EIF4G3: variants seen among roughly 807,000 people sequenced by gnomAD.
The protein encoded by EIF4G3 is eIF-4-gamma 3.
Under a neutral mutation model 186.4 loss-of-function variants are expected in EIF4G3, and 34 were observed. The ratio of observed to expected loss-of-function variants is 0.18; its 90% CI spans 0.14 to 0.24. EIF4G3 has a LOEUF of 0.24. Among genes scored for constraint, EIF4G3 ranks in the 10% least tolerant of loss-of-function variants. The pLI is 1.00. For missense variants in EIF4G3, 1,536 were observed against 1,948.5 expected, an observed-to-expected ratio of 0.79 and a Z score of 3.99; for synonymous variants, 673 against 679.5, an observed-to-expected ratio of 0.99 and a Z score of 0.15.
chr1:21,169,791 T>C (rs2097920613), intron 2 of EIF4G3: 1 of 152,220 alleles, frequency 6.6e-6, no homozygotes, highest in Non-Finnish European at 1.5e-5. Context: ...AGGGCAGCTT[T>C]GAATGCTGTA....
rs558316597 is a variant in EIF4G3 at position 21,176,683 on chromosome 1, G to C, written c.-456+39C>G. On this transcript the variant is annotated intron_variant, in intron 1 of 36. Transcript: ENST00000602326. ...CGTGACAACGCGACCCCAGGGGGGG[G>C]GCCGGACCCGGCGGGGGCAGGAGGC... 6 of 604,578 alleles carry C rather than the reference G, an allele frequency of 9.9e-6. No homozygotes were observed. In the Admixed American group the frequency reaches 1.1e-4, roughly 11 times the overall value. The allele number at this position is 604,578 out of a possible 1,614,324, so 37.5% of individuals were successfully genotyped here.
intron 12 of EIF4G3, among the ~76,000 whole-genome samples, chr1:20,960,229 G>C (rs2096540768): frequency 6.7e-6 from 1 of 149,996 alleles, no homozygotes; most frequent in Admixed American, 6.6e-5. Flanking sequence ...CACTTTGGGA[G>C]GCTGAGGTGG....
intron 3 of EIF4G3, among the ~76,000 whole-genome samples, chr1:21,064,130 T>C (rs1557783145): frequency 1.3e-5 from 2 of 152,214 alleles, no homozygotes; most frequent in African/African-American, 4.8e-5. Flanking sequence ...GTATCCAGAC[T>C]GTCTTATAAA....
At chr1:20,855,999 C>T (rs1429909027) in intron 25 of EIF4G3, among the ~76,000 whole-genome samples, 4 of 152,014 alleles carry the variant, frequency 2.6e-5, no homozygotes, top group Admixed American at 6.6e-5. Context: ...TATTAAATAC[C>T]GACACATTTT....
chr1:20,886,130 G>T, intron 19 of EIF4G3, 71 bp downstream of exon 19: 1 of 1,495,540 alleles, frequency 6.7e-7, no homozygotes, highest in Non-Finnish European at 9.0e-7. Context: ...AGAAACATTA[G>T]CAAAGCAAAA....
chr1:21,081,048 C>G (rs751421303), intron 3 of EIF4G3, among the ~76,000 whole-genome samples: 2 of 152,200 alleles, frequency 1.3e-5, no homozygotes, highest in Admixed American at 6.5e-5. Flanking sequence ...AGAAAGTTAT[C>G]AATTAATATT....
intron 2 of EIF4G3, among the ~76,000 whole-genome samples, chr1:21,119,962 T>C (rs1052959749): frequency 6.6e-6 from 1 of 151,874 alleles, no homozygotes; most frequent in Non-Finnish European, 1.5e-5. Context: ...GTCAGCTCTA[T>C]AGGTATAAAA....
At chr1:21,142,141 T>C (rs1284903524) in intron 2 of EIF4G3, among the ~76,000 whole-genome samples, 3 of 151,682 alleles carry the variant, frequency 2.0e-5, no homozygotes, top group Non-Finnish European at 4.4e-5. Context: ...GTCCAGGCAT[T>C]TAAGGCCAGC....
rs1326950714 is a variant in EIF4G3, at chr1:20,969,487, G to A, written c.701C>T (p.Pro234Leu). 3 of 1,613,732 alleles carry A rather than the reference G, an allele frequency of 1.9e-6. No homozygotes were observed. The highest frequency in any genetic ancestry group is 2.5e-6 in the Non-Finnish European group (3 of 1,179,802). The change falls in exon 12 of 37, where the codon CCT becomes CTT. Residue 234 changes from proline to leucine, a missense_variant. Transcript: ENST00000602326. ...TPPIGRPTST[P>L]TPPQQLPSQV... ...ACTCTGTCTTACCTGAGGAGGAGTA[G>A]GTGTGGACGTGGGTCTTCCTATGGG...
chr1:20,839,301 C>T (rs959154397), intron 30 of EIF4G3, among the ~76,000 whole-genome samples: 2 of 151,688 alleles, frequency 1.3e-5, no homozygotes, highest in African/African-American at 4.8e-5. Flanking sequence ...TTAGTAGAGA[C>T]GGGGTTTCAC....
At chr1:21,107,933 A>G (rs2096645721) in intron 2 of EIF4G3, among the ~76,000 whole-genome samples, 1 of 152,250 alleles carries the variant, frequency 6.6e-6, no homozygotes, top group Non-Finnish European at 1.5e-5. Flanking sequence ...GGACTGCTTG[A>G]GCCCAGGAAT....
At chr1:20,959,874 A>G (rs2096532617) in intron 12 of EIF4G3, among the ~76,000 whole-genome samples, 1 of 152,156 alleles carries the variant, frequency 6.6e-6, no homozygotes, top group Admixed American at 6.5e-5. Flanking sequence ...TAAAAAGTCA[A>G]AAAACAATAG....
chr1:20,859,094 G>A (rs912504666), intron 24 of EIF4G3, among the ~76,000 whole-genome samples: 3 of 152,142 alleles, frequency 2.0e-5, no homozygotes, highest in African/African-American at 7.2e-5. Context: ...GATTTTCTCC[G>A]TGCTATCTGA....
intron 3 of EIF4G3, among the ~76,000 whole-genome samples, chr1:21,078,145 T>A (rs928738254): frequency 6.6e-6 from 1 of 152,186 alleles, no homozygotes; most frequent in African/African-American, 2.4e-5. Flanking sequence ...TATTAATGAA[T>A]TCAGTGCAGA....
chr1:21,082,865 C>T (rs1225444918), intron 3 of EIF4G3, among the ~76,000 whole-genome samples: 4 of 151,082 alleles, frequency 2.6e-5, no homozygotes, highest in African/African-American at 4.9e-5. Flanking sequence ...GGTGAAACCC[C>T]GTTTCTACTA....
At chr1:20,845,162 A>C (rs985416901) in intron 29 of EIF4G3, among the ~76,000 whole-genome samples, 1 of 152,120 alleles carries the variant, frequency 6.6e-6, no homozygotes, top group Non-Finnish European at 1.5e-5. Flanking sequence ...TCCAGTTTCA[A>C]TTTTCCGCTT....
chr1:21,068,246 G>A (rs923789799), intron 3 of EIF4G3, among the ~76,000 whole-genome samples: 8 of 151,694 alleles, frequency 5.3e-5, no homozygotes, highest in Non-Finnish European at 1.2e-4. Flanking sequence ...TAAGGCACCT[G>A]TAATCCCAGC....
At chr1:20,852,704 G>A (rs552008725) in intron 27 of EIF4G3, among the ~76,000 whole-genome samples, 47 of 152,298 alleles carry the variant, frequency 3.1e-4, no homozygotes, top group Admixed American at 1.1e-3. Flanking sequence ...ACATACACAA[G>A]TGCTTAGGAA....
chr1:21,113,803 C>T (rs904577496), intron 2 of EIF4G3, among the ~76,000 whole-genome samples: 2 of 152,176 alleles, frequency 1.3e-5, no homozygotes, highest in East Asian at 3.9e-4. Context: ...ATCCCTTGAG[C>T]CAAGAGTTTG....
Sources: allele counts gnomAD v4.1 joint callset (sites outside exome capture counted in the v4.1 genomes callset), GRCh38; gene constraint gnomAD v4.1.1; transcripts MANE v1.5; gene names NCBI Gene and HGNC (gene_info 2026-07-23, HGNC 2026-07-21).